The following SLC25A40 variants were observed in gnomAD, a reference collection of about 807,000 sequenced individuals.
The protein encoded by SLC25A40 is solute carrier family 25 member 40.
SLC25A40 carries 41 observed loss-of-function variants against 46.5 expected under a neutral mutation model. The ratio of observed to expected loss-of-function variants is 0.88; its 90% CI spans 0.69 to 1.14. SLC25A40 has a LOEUF of 1.14. Among genes scored for constraint, SLC25A40 ranks in the 50% most tolerant of loss-of-function variants. The pLI is 0.00. For missense variants in SLC25A40, 386 were observed against 393.6 expected (o/e 0.98, Z 0.16); for synonymous variants, 126 against 127.5 (o/e 0.99, Z 0.08).
intron 1 of SLC25A40, among the ~76,000 whole-genome samples, chr7:87,863,456 C>T (rs1215859190): frequency 6.6e-6 from 1 of 151,980 alleles, no homozygotes; most frequent in African/African-American, 2.4e-5. Flanking sequence ...ACTGTGATTG[C>T]CAGTTTCCTG....
At chr7:87,875,506 G>A (rs1409163211) in intron 1 of SLC25A40, among the ~76,000 whole-genome samples, 2 of 150,712 alleles carry the variant, frequency 1.3e-5, no homozygotes, top group East Asian at 3.9e-4. Context: ...GTAGAGGAAT[G>A]CAAAATAGTT....
rs6952943 is a variant in SLC25A40, at chr7:87,876,338, C to A, written c.-336G>T. 0.088 allele frequency: 15,896 copies of A among 181,026 alleles called. 849 individuals are homozygous for A. Among genetic ancestry groups the A allele is most frequent in the African/African-American group, 0.15 (6,413 of 42,354 alleles). The allele number at this position is 181,026 out of a possible 1,614,324, so 11.2% of individuals were successfully genotyped here. ...AGAGGCGGAAACACAACCTGCAGGG[C>A]CAGAGCGAGGCGCGAGAAGGACGGC... On this transcript the variant is annotated 5_prime_UTR_variant, in exon 1 of 12. Coordinates refer to ENST00000341119, the MANE Select transcript of SLC25A40 (RefSeq NM_018843.4).
intron 9 of SLC25A40, among the ~76,000 whole-genome samples, chr7:87,843,034 T>C (rs1162691395): frequency 6.6e-6 from 1 of 152,084 alleles, no homozygotes; most frequent in Non-Finnish European, 1.5e-5. Context: ...TTCTGAGATA[T>C]TATTACAATA....
intron 5 of SLC25A40, among the ~76,000 whole-genome samples, chr7:87,850,489 GTTTGGC>G (rs1178161823): frequency 6.6e-6 from 1 of 152,150 alleles, no homozygotes; most frequent in Non-Finnish European, 1.5e-5. Flanking sequence ...ACGAAAAACT[GTTTGGC>G]TGCATGCAGT....
intron 10 of SLC25A40, among the ~76,000 whole-genome samples, chr7:87,839,413 T>C (rs773512785): frequency 6.7e-5 from 10 of 148,560 alleles, no homozygotes; most frequent in Non-Finnish European, 1.3e-4. Context: ...AAATTAAATA[T>C]TGCTTGAGTA....
intron 2 of SLC25A40, among the ~76,000 whole-genome samples, chr7:87,859,707 C>T (rs1281958644): frequency 2.0e-5 from 3 of 152,156 alleles, no homozygotes; most frequent in African/African-American, 4.8e-5. Context: ...AACAGATTTA[C>T]ATTTTTATTG....
intron 1 of SLC25A40, among the ~76,000 whole-genome samples, chr7:87,861,262 T>A (rs936841574): frequency 6.6e-6 from 1 of 152,098 alleles, no homozygotes; most frequent in Admixed American, 6.6e-5. Context: ...ATCTTAAGAG[T>A]CAACCACCAA....
intron 1 of SLC25A40, among the ~76,000 whole-genome samples, chr7:87,865,005 C>A (rs1324775539): frequency 2.1e-5 from 3 of 143,598 alleles, no homozygotes; most frequent in African/African-American, 7.8e-5. Flanking sequence ...GAGACAAGGT[C>A]CTGCTCTGGT....
chr7:87,849,268 A>G (rs1323602921), intron 6 of SLC25A40, among the ~76,000 whole-genome samples: 3 of 152,292 alleles, frequency 2.0e-5, no homozygotes, highest in Non-Finnish European at 2.9e-5. Context: ...GCCTATGTGC[A>G]TGCCTGACCT....
chr7:87,874,889 A>G (rs1020416073), intron 1 of SLC25A40, among the ~76,000 whole-genome samples: 1 of 152,140 alleles, frequency 6.6e-6, no homozygotes, highest in Non-Finnish European at 1.5e-5. Context: ...CTTATAATCA[A>G]TTCTCTTATT....
chr7:87,855,773 T>A (rs1426364710), intron 4 of SLC25A40, among the ~76,000 whole-genome samples: 1 of 152,214 alleles, frequency 6.6e-6, no homozygotes, highest in Non-Finnish European at 1.5e-5. Flanking sequence ...TAAAATATGG[T>A]TGCAATGCCA....
intron 9 of SLC25A40, 73 bp from the exon 10 acceptor site, chr7:87,841,787 A>C (rs1336395831): frequency 8.9e-6 from 7 of 789,266 alleles, no homozygotes; most frequent in Non-Finnish European, 1.3e-5. Flanking sequence ...CATTCTTCTT[A>C]TTAGTATATT....
chr7:87,864,980 CTTTTT>C (rs927908236), intron 1 of SLC25A40, among the ~76,000 whole-genome samples: 2 of 121,492 alleles, frequency 1.6e-5, no homozygotes, highest in Non-Finnish European at 3.5e-5. Context: ...CTTTTCTTTT[CTTTTT>C]TTTTTTTTTG....
chr7:87,844,988 G>A (rs893657264), intron 8 of SLC25A40, among the ~76,000 whole-genome samples: 14 of 152,072 alleles, frequency 9.2e-5, no homozygotes, highest in Non-Finnish European at 1.0e-4. Context: ...GTGGCACACG[G>A]CTTTGGTCCC....
chr7:87,873,380 A>G (rs942280804), intron 1 of SLC25A40, among the ~76,000 whole-genome samples: 19 of 152,136 alleles, frequency 1.2e-4, no homozygotes, highest in Non-Finnish European at 5.9e-5. Context: ...TAGACTGAAC[A>G]ATATTATCTT....
intron 10 of SLC25A40, among the ~76,000 whole-genome samples, chr7:87,840,436 T>G (rs1174884802): frequency 6.6e-6 from 1 of 151,798 alleles, no homozygotes; most frequent in Non-Finnish European, 1.5e-5. Context: ...TTAGTGTGCA[T>G]TAGAATCTAC....
At chr7:87,855,037 C>T (rs1196972503) in intron 4 of SLC25A40, among the ~76,000 whole-genome samples, 1 of 151,580 alleles carries the variant, frequency 6.6e-6, no homozygotes, top group Non-Finnish European at 1.5e-5. Context: ...TGGCACGTGC[C>T]TGTAGTCCCA....
chr7:87,841,161 A>G (rs10282063), intron 10 of SLC25A40, among the ~76,000 whole-genome samples: 14,348 of 135,322 alleles, frequency 0.11, 739 homozygotes, highest in African/African-American at 0.19. Context: ...GTGTGTGTGT[A>G]TATATATATA....
chr7:87,863,226 C>T (rs971587308), intron 1 of SLC25A40, among the ~76,000 whole-genome samples: 1 of 152,012 alleles, frequency 6.6e-6, no homozygotes, highest in Non-Finnish European at 1.5e-5. Flanking sequence ...GGTTGTCTCC[C>T]CACCCAAATC....
Sources: allele counts gnomAD v4.1 joint callset (sites outside exome capture counted in the v4.1 genomes callset), GRCh38; gene constraint gnomAD v4.1.1; transcripts MANE v1.5; gene names NCBI Gene and HGNC (gene_info 2026-07-23, HGNC 2026-07-21).